RASA2: variants seen among roughly 807,000 people sequenced by gnomAD.
RASA2 encodes the protein RAS p21 protein activator 2.
Under a neutral mutation model 118.2 loss-of-function variants are expected in RASA2, and 155 were observed. The ratio of observed to expected loss-of-function variants is 1.31; its 90% CI spans 1.15 to 1.50. The LOEUF (loss-of-function observed/expected upper bound fraction) is 1.50. Ranked by LOEUF, RASA2 falls within the 40% of genes most tolerant of loss-of-function variation. The pLI is 0.00. For synonymous variants in RASA2, 353 were observed against 349.1 expected (o/e 1.01, Z -0.12); for missense variants, 1,016 against 1,009.6 (o/e 1.01, Z -0.09).
At chr3:141,489,019 T>C (rs1227027757) in intron 1 of RASA2, among the ~76,000 whole-genome samples, 1 of 152,166 alleles carries the variant, frequency 6.6e-6, no homozygotes, top group African/African-American at 2.4e-5. Flanking sequence ...TAAGTGAAAC[T>C]TGGGTCTACA....
Position 141,571,088 on chromosome 3 carries a change from G to A in RASA2, c.1020+20G>A, listed in dbSNP as rs113251297. The A allele has an allele frequency of 3.6e-4, 575 of 1,575,780 alleles. 7 individuals are homozygous for A. The African/African-American group carries it at 6.9e-3, about 19-fold the overall frequency. ...GTTCAAGTATGTTAAGAATCTTAAG[G>A]ATATGATTTAACACGAAACGGCTAA... On this transcript the variant is annotated intron_variant, in intron 10 of 23. Transcript: ENST00000286364.
At chr3:141,562,420 G>A (rs1307098331) in intron 9 of RASA2, among the ~76,000 whole-genome samples, 16 of 145,112 alleles carry the variant, frequency 1.1e-4, no homozygotes, top group African/African-American at 3.0e-4. Context: ...TCAGGAGATC[G>A]AGACATCCTG....
chr3:141,521,536 G>A (rs563695182), intron 3 of RASA2, among the ~76,000 whole-genome samples: 5 of 152,160 alleles, frequency 3.3e-5, no homozygotes, highest in African/African-American at 1.2e-4. Flanking sequence ...GGCCTTTAAG[G>A]CCTTTTAAAT....
intron 4 of RASA2, among the ~76,000 whole-genome samples, chr3:141,532,535 A>T (rs1217175722): frequency 6.6e-6 from 1 of 152,182 alleles, no homozygotes; most frequent in Non-Finnish European, 1.5e-5. Context: ...TTCTTAGAAC[A>T]ACAGACATTA....
intron 1 of RASA2, among the ~76,000 whole-genome samples, chr3:141,511,107 G>C (rs1228764651): frequency 1.3e-5 from 2 of 152,170 alleles, no homozygotes; most frequent in Non-Finnish European, 2.9e-5. Context: ...AGGTCTGCTG[G>C]ATTTGCTAAG....
chr3:141,605,713 C>T (rs192640680), intron 19 of RASA2, among the ~76,000 whole-genome samples: 2 of 151,916 alleles, frequency 1.3e-5, no homozygotes, highest in Admixed American at 1.3e-4. Flanking sequence ...CTTTGTTGCA[C>T]ATATGTCTCT....
intron 19 of RASA2, among the ~76,000 whole-genome samples, chr3:141,602,256 C>T (rs764613619): frequency 5.9e-5 from 9 of 152,168 alleles, no homozygotes; most frequent in African/African-American, 2.2e-4. Flanking sequence ...GGACCAGTTT[C>T]ATGGAAGACA....
rs771070338 is a variant in RASA2 at position 141,520,003 on chromosome 3, CTTTT to C, written c.355+3574_355+3577del. Among the ~76,000 whole-genome samples, 214 of 132,336 alleles carry C rather than the reference CTTTT, an allele frequency of 1.6e-3. 7 individuals carry two copies. The East Asian group carries it at 0.027, about 17-fold the overall frequency. The allele number at this position is 132,336 out of a possible 152,430, so 86.8% of individuals were successfully genotyped here. On this transcript the variant is annotated intron_variant, in intron 3 of 23. Transcript: ENST00000286364. ...AAGAAGAACAATTTCTTTTCTTTTT[CTTTT>C]TCTCTTTTTTTTTTTTTTTTTTTTG...
chr3:141,572,068 A>C (rs1031277050), intron 11 of RASA2, among the ~76,000 whole-genome samples: 1 of 147,810 alleles, frequency 6.8e-6, no homozygotes, highest in African/African-American at 2.5e-5. Flanking sequence ...ATATACACAC[A>C]CACACACACA....
At chr3:141,575,823 T>A (rs748224593) in intron 14 of RASA2, among the ~76,000 whole-genome samples, 17 of 152,204 alleles carry the variant, frequency 1.1e-4, no homozygotes, top group Non-Finnish European at 2.2e-4. Context: ...AGACTGAGTT[T>A]CACTCTTGTT....
chr3:141,585,228 C>T (rs755145503), intron 17 of RASA2, among the ~76,000 whole-genome samples: 3 of 152,092 alleles, frequency 2.0e-5, no homozygotes, highest in Non-Finnish European at 2.9e-5. Flanking sequence ...CTATATTTAA[C>T]ACCCCCCAGT....
intron 8 of RASA2, 52 bp from the exon 9 acceptor site, chr3:141,559,842 G>A: frequency 6.9e-7 from 1 of 1,440,692 alleles, no homozygotes; most frequent in East Asian, 2.3e-5. Flanking sequence ...TTTGTGGTGT[G>A]AACTCTCTTA....
intron 19 of RASA2, among the ~76,000 whole-genome samples, chr3:141,601,469 A>G (rs1274347097): frequency 1.3e-5 from 2 of 151,610 alleles, no homozygotes; most frequent in African/African-American, 4.8e-5. Flanking sequence ...AAAAGATGAT[A>G]GAATCATAGA....
chr3:141,543,631 T>A (rs1205474967), intron 5 of RASA2, among the ~76,000 whole-genome samples: 2 of 152,074 alleles, frequency 1.3e-5, no homozygotes, highest in African/African-American at 4.8e-5. Flanking sequence ...TCTCAGAAGG[T>A]CTTGATTTCC....
chr3:141,586,849 T>C, intron 19 of RASA2, 97 bp downstream of exon 19: 1 of 964,730 alleles, frequency 1.0e-6, no homozygotes, highest in Non-Finnish European at 1.6e-6. Context: ...TTCAGTAATA[T>C]TACTGTAGTT....
chr3:141,591,696 A>G (rs2083287037), intron 19 of RASA2, among the ~76,000 whole-genome samples: 2 of 152,216 alleles, frequency 1.3e-5, no homozygotes, highest in South Asian at 4.1e-4. Flanking sequence ...TGTTATACAC[A>G]TATACATACA....
chr3:141,507,213 G>A (rs561299229), intron 1 of RASA2, among the ~76,000 whole-genome samples: 50 of 152,280 alleles, frequency 3.3e-4, no homozygotes, highest in African/African-American at 1.2e-3. Flanking sequence ...AGATAGCCAC[G>A]TGTAGCCGGT....
At chr3:141,572,941 A>G (rs187020474) in intron 12 of RASA2, among the ~76,000 whole-genome samples, 57 of 152,296 alleles carry the variant, frequency 3.7e-4, no homozygotes, top group African/African-American at 1.3e-3. Flanking sequence ...TGGGATTTCT[A>G]TTTTAGCTAG....
intron 21 of RASA2, among the ~76,000 whole-genome samples, chr3:141,609,168 A>G (rs1036901893): frequency 6.6e-6 from 1 of 152,158 alleles, no homozygotes; most frequent in Non-Finnish European, 1.5e-5. Flanking sequence ...GTAATAATAT[A>G]TTGTTTTGTG....
Sources: gnomAD v4.1 joint callset for allele counts (sites outside exome capture counted in the v4.1 genomes callset) on GRCh38, gnomAD v4.1.1 for gene constraint, MANE v1.5 for transcripts, NCBI Gene and HGNC (gene_info 2026-07-23, HGNC 2026-07-21) for gene names.